LYPD4: variants seen among roughly 807,000 people sequenced by gnomAD.
LYPD4 encodes the protein LY6/PLAUR domain containing 4.
Under a neutral mutation model 18.2 loss-of-function variants are expected in LYPD4, and 20 were observed. That is an observed-to-expected ratio of 1.10 (90% CI 0.77 to 1.59). The LOEUF is 1.59. Among genes scored for constraint, LYPD4 ranks in the 40% most tolerant of loss-of-function variants. The pLI is 0.00. For synonymous variants in LYPD4, 111 were observed against 118.3 expected (o/e 0.94, Z 0.40); for missense variants, 278 against 300.3 (o/e 0.93, Z 0.55).
downstream of LYPD4, among the ~76,000 whole-genome samples, chr19:41,836,314 A>AAC (rs2073372858): frequency 2.2e-5 from 3 of 138,258 alleles, no homozygotes; most frequent in African/African-American, 7.8e-5. Flanking sequence ...AAAAAAAAAA[A>AAC]AAAAAAAAAA....
chr19:41,838,121 G>T lies in LYPD4; in HGVS notation c.352C>A (p.Leu118Ile). The change falls in exon 4 of 5, where the codon CTC becomes ATC. Residue 118 changes from leucine to isoleucine, a missense_variant. Physicochemically the swap from Leu to Ile is conservative, Grantham distance 5 (BLOSUM62 2). Transcript: ENST00000609812. ...TTCACAAAAGGCTCCAAATTGGTGA[G>T]GTTGTTGCAGAGATAAGACCGGCAG... is the stretch of plus-strand genomic sequence containing the variant. ...RVCRSYLCNN[L>I]TNLEPFVKLK... 1 of 1,614,068 alleles carries T rather than the reference G, an allele frequency of 6.2e-7. No homozygotes were observed. The highest frequency in any genetic ancestry group is 8.5e-7 in the Non-Finnish European group (1 of 1,179,950).
chr19:41,838,294 A>C, intron 3 of LYPD4, 33 bp from the exon 4 acceptor site: 2 of 1,487,324 alleles, frequency 1.3e-6, no homozygotes, highest in Non-Finnish European at 1.8e-6. Flanking sequence ...AGCTCAGATC[A>C]GTGTCACTGG....
intron 1 of LYPD4, among the ~76,000 whole-genome samples, chr19:41,841,709 C>T (rs2073600742): frequency 6.7e-6 from 1 of 148,370 alleles, no homozygotes; most frequent in Admixed American, 6.7e-5. Flanking sequence ...ACAAACCCAG[C>T]AATAACCAAG....
chr19:41,835,987 A>C, downstream of LYPD4: 1 of 194,610 alleles, frequency 5.1e-6, no homozygotes, highest in Non-Finnish European at 9.3e-6. Context: ...TCTAAACCTC[A>C]CAAGATAGTG....
At position 41,839,030 on chromosome 19, in the gene LYPD4, A is replaced by G; in HGVS notation, c.68-6T>C. ...GCACAAAAGAGCTCCAGCCCCTAAA[A>G]AGAGAATGCTCTCCCAGTCATTGGC... On this transcript the variant is annotated splice_polypyrimidine_tract_variant and splice_region_variant and intron_variant, in intron 2 of 4. Transcript: ENST00000609812. 6.2e-7 allele frequency: 1 copy of G among 1,613,180 alleles called. No individual in the cohort carries two copies. Among genetic ancestry groups the G allele is most frequent in the Non-Finnish European group, 8.5e-7 (1 of 1,179,844 alleles).
At chr19:41,842,141 C>T (rs1555833688) in intron 1 of LYPD4, among the ~76,000 whole-genome samples, 2 of 152,128 alleles carry the variant, frequency 1.3e-5, no homozygotes, top group African/African-American at 4.8e-5. Flanking sequence ...CTGCCAGGCT[C>T]ATGCAATCCT....
Position 41,837,927 on chromosome 19 carries a change from C to T in LYPD4, c.538+8G>A. ...GGCATTTGATAAACAATATTCCTCTCCTCTCACCTGCCTGAAATTTTAAGG... is the reference window on the plus strand; with the variant it reads ...GGCATTTGATAAACAATATTCCTCTTCTCTCACCTGCCTGAAATTTTAAGG... On this transcript the variant is annotated splice_region_variant and intron_variant, in intron 4 of 4. Coordinates refer to ENST00000609812, the MANE Select transcript of LYPD4 (RefSeq NM_173506.7). 1 of 1,598,922 alleles carries T rather than the reference C, an allele frequency of 6.3e-7. No homozygotes were observed. The highest frequency in any genetic ancestry group is 8.5e-7 in the Non-Finnish European group (1 of 1,170,768).
rs782014271 is a variant in LYPD4 at position 41,837,142 on chromosome 19, G to C, written c.*1C>G. 1 of 1,613,838 alleles carries C rather than the reference G, an allele frequency of 6.2e-7. No individual in the cohort carries two copies. The highest frequency in any genetic ancestry group is 8.5e-7 in the Non-Finnish European group (1 of 1,179,860). On this transcript the variant is annotated 3_prime_UTR_variant, in exon 5 of 5. Coordinates refer to ENST00000609812, the MANE Select transcript of LYPD4 (RefSeq NM_173506.7). ...GGTGCTTGTCGGGTGCAGCTAGATG[G>C]TCAGTCCCTGAAGGCAAACAGGAGG... is the stretch of plus-strand genomic sequence containing the variant.
downstream of LYPD4, chr19:41,835,416 T>A (rs1555830108): frequency 6.6e-6 from 1 of 152,250 alleles, no homozygotes; most frequent in East Asian, 1.9e-4. Context: ...GACTTGTTAA[T>A]TCCCTTTGAA....
chr19:41,842,842 TA>T (rs2123150189), intron 1 of LYPD4, among the ~76,000 whole-genome samples: 1 of 137,290 alleles, frequency 7.3e-6, no homozygotes, highest in African/African-American at 2.8e-5. Context: ...GGATAGATTG[TA>T]AAATCACAGT....
rs1555831406 is a variant in LYPD4, at chr19:41,838,182, G to C, written c.291C>G (p.Ser97=). 6.3e-7 allele frequency: 1 copy of C among 1,597,042 alleles called. No individual in the cohort carries two copies. Among genetic ancestry groups the C allele is most frequent in the Non-Finnish European group, 8.5e-7 (1 of 1,169,868 alleles). Residue 97 remains serine (S), a synonymous_variant, in exon 4 of 5, where the codon TCC becomes TCG. Transcript: ENST00000609812. ...AGGAGGCAATGGACACTCCGGGTGGGGAAACAAGGTAGGAGATTTGCGCAG... is the reference window on the plus strand; with the variant it reads ...AGGAGGCAATGGACACTCCGGGTGGCGAAACAAGGTAGGAGATTTGCGCAG... ...SYPAQISYLV[S]PPGVSIASYS...
At chr19:41,836,287 C>CAAAAAAAA (rs531204341), downstream of LYPD4, among the ~76,000 whole-genome samples, 49 of 19,942 alleles carry the variant, frequency 2.5e-3, 9 homozygotes, top group African/African-American at 5.3e-3. Flanking sequence ...GCCAACTTAC[C>CAAAAAAAA]AAAAAAAAAA....
chr19:41,838,026 G>A lies in LYPD4; in HGVS notation c.447C>T (p.His149=), dbSNP rs2073427313. 3.1e-6 allele frequency: 5 copies of A among 1,614,186 alleles called. No homozygotes were observed. Among genetic ancestry groups the A allele is most frequent in the Non-Finnish European group, 2.5e-6 (3 of 1,180,020 alleles). ...CAAAATTTGGGAGGCAATCCTTCAT[G>A]TGCTCGCCCACACAGGTCGGGCAGC... ...SCSCPTCVGE[H]MKDCLPNFVT... is the part of the protein sequence containing the mutation. The change falls in exon 4 of 5, where the codon CAC becomes CAT. Residue 149 remains histidine (H), a synonymous_variant. Transcript: ENST00000609812.
intron 1 of LYPD4, among the ~76,000 whole-genome samples, chr19:41,841,232 G>A (rs2073577805): frequency 6.6e-6 from 1 of 152,038 alleles, no homozygotes; most frequent in South Asian, 2.1e-4. Flanking sequence ...AGGAGTTCAA[G>A]ACCAGCCTGG....
At position 41,843,953 on chromosome 19, in the gene LYPD4, G is replaced by C. The variant is rs1395618024; in HGVS notation, c.-496C>G. The C allele has an allele frequency of 7.0e-6, 1 of 143,802 alleles. No homozygotes were observed. The allele number at this position is 143,802 out of a possible 1,614,324, so 8.9% of individuals were successfully genotyped here. ...AAAAAAAAGGATGGAGCAGTAGTCAGAGGGGATGCCACCCCTACAAAAGAC... is the reference window on the plus strand; with the variant it reads ...AAAAAAAAGGATGGAGCAGTAGTCACAGGGGATGCCACCCCTACAAAAGAC... On this transcript the variant is annotated 5_prime_UTR_variant, in exon 1 of 5. Coordinates refer to ENST00000609812, the MANE Select transcript of LYPD4 (RefSeq NM_173506.7).
rs60674548 is a variant in LYPD4 at position 41,839,680 on chromosome 19, T to TG, written c.-120-276_-120-275insC. 443 of 213,546 alleles carry TG rather than the reference T, an allele frequency of 2.1e-3. 27 individuals are homozygous for TG. Among genetic ancestry groups the TG allele is most frequent in the Middle Eastern group, 3.8e-3 (2 of 526 alleles). The allele number at this position is 213,546 out of a possible 1,614,324, so 13.2% of individuals were successfully genotyped here. ...AATAGATGTTTCAAACTCGTGTGTG[T>TG]TGTGTGTGTGTGTGTGTGTGTGTGT... On this transcript the variant is annotated intron_variant, in intron 1 of 4. Transcript: ENST00000609812.
chr19:41,837,686 T>C (rs1555830947), intron 4 of LYPD4, among the ~76,000 whole-genome samples: 1 of 144,522 alleles, frequency 6.9e-6, no homozygotes, highest in Non-Finnish European at 1.5e-5. Context: ...AGAGCAAGAC[T>C]CCCATTTCAA....
chr19:41,838,905 C>A lies in LYPD4; in HGVS notation c.187G>T (p.Glu63Ter), dbSNP rs2073474408. The A allele has an allele frequency of 1.2e-6, 2 of 1,613,874 alleles. No individual in the cohort carries two copies. The highest frequency in any genetic ancestry group is 1.3e-5 in the African/African-American group (1 of 74,874). Residue 63 changes from glutamate (E) to a stop codon, truncating the protein, a stop_gained, in exon 3 of 5, where the codon GAG becomes TAG. Coordinates refer to ENST00000609812, the MANE Select transcript of LYPD4 (RefSeq NM_173506.7). LOFTEE classifies it high-confidence loss of function. ...MVCKLQEGCE[E>*]TLVFIETGTA... Reference sequence around the variant, plus strand: ...CCTGTCTCAATGAACACTAGCGTCTCCTCGCAGCCCTCTTGCAGCTTACAC... The same window carrying A: ...CCTGTCTCAATGAACACTAGCGTCTACTCGCAGCCCTCTTGCAGCTTACAC...
Position 41,838,636 on chromosome 19 carries a change from T to C in LYPD4, c.211+245A>G, listed in dbSNP as rs147423843. On this transcript the variant is annotated intron_variant, in intron 3 of 4. Coordinates refer to ENST00000609812, the MANE Select transcript of LYPD4 (RefSeq NM_173506.7). ...ATGGCCAGGCACAGTGGCTTATGCC[T>C]GTAATCCGGACACTTTGGGAGGCCA... Among the ~76,000 whole-genome samples the C allele has an allele frequency of 9.2e-5, 14 of 152,116 alleles. No individual in the cohort carries two copies. In the East Asian group the frequency reaches 2.7e-3, roughly 29 times the overall value.
Sources: allele counts gnomAD v4.1 joint callset (sites outside exome capture counted in the v4.1 genomes callset), GRCh38; gene constraint gnomAD v4.1.1; transcripts MANE v1.5; gene names NCBI Gene and HGNC (gene_info 2026-07-23, HGNC 2026-07-21).